The following ECPAS variants were observed in gnomAD, a reference collection of about 807,000 sequenced individuals.
The protein encoded by ECPAS is Ecm29 proteasome adaptor and scaffold.
Under a neutral mutation model 255.1 loss-of-function variants are expected in ECPAS, and 70 were observed. That is an observed-to-expected ratio of 0.27 (90% CI 0.23 to 0.33). ECPAS has a LOEUF of 0.33. Ranked by LOEUF, ECPAS falls within the 10% of genes least tolerant of loss-of-function variation. The pLI is 1.00. For missense variants in ECPAS, 1,817 were observed against 2,206.4 expected, an observed-to-expected ratio of 0.82 and a Z score of 3.54; for synonymous variants, 784 against 775.0, an observed-to-expected ratio of 1.01 and a Z score of -0.19.
intron 7 of ECPAS, among the ~76,000 whole-genome samples, chr9:111,436,461 T>C (rs946510974): frequency 1.3e-5 from 2 of 152,184 alleles, no homozygotes; most frequent in African/African-American, 4.8e-5. Context: ...AGAAGTAATA[T>C]AACAGGGAGT....
intron 21 of ECPAS, 115 bp from the exon 22 acceptor site, chr9:111,411,257 G>C: frequency 9.3e-7 from 1 of 1,072,018 alleles, no homozygotes; most frequent in African/African-American, 1.6e-5. Context: ...TAAGGCTAAA[G>C]AATAAAGTGA....
intron 7 of ECPAS, 110 bp from the exon 8 acceptor site, chr9:111,433,482 C>A (rs1220976821): frequency 1.9e-6 from 2 of 1,053,808 alleles, no homozygotes; most frequent in Non-Finnish European, 2.8e-6. Flanking sequence ...TGAGCAGTAA[C>A]AACAGTAGCA....
intron 2 of ECPAS, among the ~76,000 whole-genome samples, chr9:111,462,690 C>T (rs1025429340): frequency 1.3e-5 from 2 of 151,058 alleles, no homozygotes; most frequent in Non-Finnish European, 2.9e-5. Context: ...ATAATCCTAA[C>T]TATAATTCAT....
intron 2 of ECPAS, among the ~76,000 whole-genome samples, chr9:111,471,144 T>C (rs1052217944): frequency 6.6e-6 from 1 of 152,218 alleles, no homozygotes; most frequent in African/African-American, 2.4e-5. Flanking sequence ...TTTATTTAAA[T>C]CACTATTTAA....
At chr9:111,430,478 T>G (rs753514451) in intron 9 of ECPAS, 69 bp downstream of exon 9, 1 of 917,390 alleles carries the variant, frequency 1.1e-6, no homozygotes, top group African/African-American at 1.7e-5. Context: ...GAAGAAAATG[T>G]ATAAATACGC....
intron 35 of ECPAS, among the ~76,000 whole-genome samples, chr9:111,379,730 T>C (rs898760608): frequency 8.5e-5 from 13 of 152,358 alleles, no homozygotes; most frequent in Middle Eastern, 6.8e-3. Flanking sequence ...CTAAATCCTT[T>C]GTGGTCATTT....
intron 2 of ECPAS, among the ~76,000 whole-genome samples, chr9:111,469,469 G>C (rs1169912260): frequency 6.6e-6 from 1 of 150,802 alleles, no homozygotes; most frequent in Non-Finnish European, 1.5e-5. Flanking sequence ...GGGAGGTGGA[G>C]CAGTGAGCCG....
At chr9:111,403,710 A>G (rs752835591) in intron 24 of ECPAS, among the ~76,000 whole-genome samples, 31 of 150,018 alleles carry the variant, frequency 2.1e-4, no homozygotes, top group Non-Finnish European at 4.3e-4. Context: ...GGTCATTCAG[A>G]CAGAAAATCA....
intron 1 of ECPAS, among the ~76,000 whole-genome samples, chr9:111,482,981 A>AC (rs1404988541): frequency 6.6e-6 from 1 of 151,912 alleles, no homozygotes; most frequent in African/African-American, 2.4e-5. Flanking sequence ...TCGACCGGCG[A>AC]CCCTCTCCGC....
At chr9:111,464,244 G>C (rs932859857) in intron 2 of ECPAS, among the ~76,000 whole-genome samples, 1 of 149,056 alleles carries the variant, frequency 6.7e-6, no homozygotes. Flanking sequence ...ACCAGCCTGG[G>C]CAACATGACA....
chr9:111,370,078 G>C (rs2131497550), intron 45 of ECPAS, among the ~76,000 whole-genome samples: 1 of 152,306 alleles, frequency 6.6e-6, no homozygotes, highest in South Asian at 2.1e-4. Context: ...ATCTAGCGGT[G>C]CCCAGGAACT....
chr9:111,393,192 C>T (rs2098162836), intron 27 of ECPAS, among the ~76,000 whole-genome samples: 1 of 152,316 alleles, frequency 6.6e-6, no homozygotes. Flanking sequence ...GTAAGTCATA[C>T]ATCAGAGATA....
At chr9:111,441,480 C>T (rs914603638) in intron 5 of ECPAS, among the ~76,000 whole-genome samples, 10 of 151,082 alleles carry the variant, frequency 6.6e-5, no homozygotes, top group East Asian at 5.9e-4. Flanking sequence ...ACTCCAGCCT[C>T]GGCAACAGAG....
At position 111,451,462 on chromosome 9, in the gene ECPAS, A is replaced by G; in HGVS notation, c.116T>C (p.Leu39Pro). 1 of 1,574,624 alleles carries G rather than the reference A, an allele frequency of 6.4e-7. No individual in the cohort carries two copies. The highest frequency in any genetic ancestry group is 8.6e-7 in the Non-Finnish European group (1 of 1,158,960). ...IISKFLPPVLLKLSSTQEGVR... is the reference protein window; with the variant it reads ...IISKFLPPVLPKLSSTQEGVR... ...TCCTTCTTGGGTGCTAGAGAGTTTG[A>G]GCAAAACAGGAGGAAGGAATTTAGA... Residue 39 changes from leucine to proline, a missense_variant, in exon 3 of 50, where the codon CTC becomes CCC. This residue lies in a region of ECPAS where 90 missense variants were observed against 158.5 expected (regional missense o/e 0.57). Coordinates refer to ENST00000684092, the MANE Select transcript of ECPAS (RefSeq NM_001364929.1).
chr9:111,378,698 G>A lies in ECPAS; in HGVS notation c.3836C>T (p.Ala1279Val), dbSNP rs1208246741. ...TGCATGCGGTTTCAACATGGCTCCTGCACTTTTGCTGATCTTCACAAGGGT... is the reference window on the plus strand; with the variant it reads ...TGCATGCGGTTTCAACATGGCTCCTACACTTTTGCTGATCTTCACAAGGGT... ...INTLVKISKSAGAMLKPHAPK... is the reference protein window; with the variant it reads ...INTLVKISKSVGAMLKPHAPK... Residue 1279 changes from alanine to valine, a missense_variant, in exon 36 of 50, where the codon GCA becomes GTA. Ala to Val is a moderately conservative substitution (Grantham distance 64). This residue lies in a region of ECPAS where 960 missense variants were observed against 1,179.0 expected (regional missense o/e 0.81). Transcript: ENST00000684092. 9 of 1,613,518 alleles carry A rather than the reference G, an allele frequency of 5.6e-6. No homozygotes were observed. Among genetic ancestry groups the A allele is most frequent in the Non-Finnish European group, 7.6e-6 (9 of 1,179,560 alleles).
At chr9:111,433,437 C>T in intron 7 of ECPAS, 65 bp from the exon 8 acceptor site, 2 of 1,555,016 alleles carry the variant, frequency 1.3e-6, no homozygotes, top group Non-Finnish European at 1.8e-6. Flanking sequence ...ACTGAAAGTA[C>T]TGCTTAACAT....
Position 111,440,393 on chromosome 9 carries a change from T to A in ECPAS, c.518A>T (p.Asp173Val). Residue 173 changes from aspartate (D) to valine (V), a missense_variant, in exon 6 of 50, where the codon GAT (aspartate) becomes GTT (valine). Transcript: ENST00000684092. ...TCACCCATAAGGCATCAGAAGGACA[T>A]CTAGCATGAAGTCCAAAAGCAGCTG... ...TVQLLLDFMLDVLLMPYGYVL... is the reference protein window; with the variant it reads ...TVQLLLDFMLVVLLMPYGYVL... 1 of 1,612,594 alleles carries A rather than the reference T, an allele frequency of 6.2e-7. No homozygotes were observed. Among genetic ancestry groups the A allele is most frequent in the Non-Finnish European group, 8.5e-7 (1 of 1,179,084 alleles).
rs1190011845 is a variant in ECPAS, at chr9:111,454,773, A to C, written c.23-3218T>G. ...ACCCAGGCTAGAGTGCAGTGGCGCT[A>C]TCCACAGCTCACTGCAGCCTCAACC... On this transcript the variant is annotated intron_variant, in intron 2 of 49. Coordinates refer to ENST00000684092, the MANE Select transcript of ECPAS (RefSeq NM_001364929.1). 2.0e-5 allele frequency among the ~76,000 whole-genome samples: 3 copies of C among 150,720 alleles called. No individual in the cohort carries two copies. The East Asian group carries it at 5.9e-4, about 30-fold the overall frequency.
chr9:111,382,038 C>CAA (rs2098141218), intron 35 of ECPAS, among the ~76,000 whole-genome samples: 2 of 149,390 alleles, frequency 1.3e-5, no homozygotes, highest in African/African-American at 4.9e-5. Flanking sequence ...CACACACACA[C>CAA]ACAAAGAATC....
Sources: gnomAD v4.1 joint callset for allele counts (sites outside exome capture counted in the v4.1 genomes callset) on GRCh38, gnomAD v4.1.1 for gene constraint, gnomAD v4.1.1 regional missense constraint, MANE v1.5 for transcripts, NCBI Gene and HGNC (gene_info 2026-07-23, HGNC 2026-07-21) for gene names.